FOXN3: variants seen among roughly 807,000 people sequenced by gnomAD.
FOXN3 encodes forkhead box protein N3.
FOXN3 carries 7 observed loss-of-function variants against 38.4 expected under a neutral mutation model. The ratio of observed to expected loss-of-function variants is 0.18; its 90% CI spans 0.10 to 0.34. The LOEUF is 0.34. Among genes scored for constraint, FOXN3 ranks in the 10% least tolerant of loss-of-function variants. The probability of loss-of-function intolerance (pLI) is 1.00; values close to 1 mark genes in which losing one functional copy is unlikely to be tolerated. For synonymous variants in FOXN3, 230 were observed against 242.2 expected (o/e 0.95, Z 0.47); for missense variants, 456 against 613.4 (o/e 0.74, Z 2.71).
intron 4 of FOXN3, among the ~76,000 whole-genome samples, chr14:89,227,740 T>C (rs1332548604): frequency 6.6e-6 from 1 of 152,208 alleles, no homozygotes; most frequent in Non-Finnish European, 1.5e-5. Context: ...GGCTCCGTCT[T>C]AGCAGACTGC....
At chr14:89,434,388 C>T (rs897582385) in intron 1 of FOXN3, among the ~76,000 whole-genome samples, 6 of 151,924 alleles carry the variant, frequency 3.9e-5, no homozygotes, top group Non-Finnish European at 5.9e-5. Flanking sequence ...CCACCACACC[C>T]GGCTAATTTT....
At chr14:89,559,399 C>T (rs973590691) in intron 1 of FOXN3, among the ~76,000 whole-genome samples, 2 of 151,994 alleles carry the variant, frequency 1.3e-5, no homozygotes, top group African/African-American at 2.4e-5. Context: ...CAAATAAGGC[C>T]GGGCGTGGTG....
intron 1 of FOXN3, among the ~76,000 whole-genome samples, chr14:89,522,540 T>C (rs72703700): frequency 0.084 from 12,807 of 152,124 alleles, 605 homozygotes; most frequent in Admixed American, 0.13. Flanking sequence ...ATAACATGAA[T>C]GGTGGGGCTT....
At chr14:89,402,678 T>C in intron 2 of FOXN3, among the ~76,000 whole-genome samples, 1 of 152,156 alleles carries the variant, frequency 6.6e-6, no homozygotes, top group East Asian at 1.9e-4. Context: ...ACTCCCCTTC[T>C]TGCTTCCTAA....
chr14:89,494,127 T>C (rs1392485616), intron 1 of FOXN3: 2 of 152,184 alleles, frequency 1.3e-5, no homozygotes, highest in African/African-American at 4.8e-5. Flanking sequence ...CTTTTACACT[T>C]ACTTAATATA....
intron 1 of FOXN3, among the ~76,000 whole-genome samples, chr14:89,591,910 G>C (rs1895962108): frequency 6.6e-6 from 1 of 151,932 alleles, no homozygotes; most frequent in South Asian, 2.1e-4. Context: ...GGGTGACAGA[G>C]AGAAAAAAAC....
Position 89,204,605 on chromosome 14 carries a change from A to G in FOXN3, c.746-23799T>C, listed in dbSNP as rs17125522. Among the ~76,000 whole-genome samples the G allele has an allele frequency of 9.5e-3, 1,444 of 152,320 alleles. 83 individuals are homozygous for G. Among genetic ancestry groups the G allele is most frequent in the Admixed American group, 0.088 (1,349 of 15,288 alleles). On this transcript the variant is annotated intron_variant, in intron 4 of 5. Coordinates refer to ENST00000557258, the MANE Select transcript of FOXN3 (RefSeq NM_005197.4). ...AGTTGAAAAATAAAACAAAGCGCCA[A>G]AAAAGCATTTGCATTTTCCTTTATC...
chr14:89,256,483 T>C (rs1217148837), intron 4 of FOXN3, among the ~76,000 whole-genome samples: 1 of 152,154 alleles, frequency 6.6e-6, no homozygotes, highest in Non-Finnish European at 1.5e-5. Flanking sequence ...GTCACACAGC[T>C]GCAAACATAT....
chr14:89,221,136 G>C (rs929802115), intron 4 of FOXN3, among the ~76,000 whole-genome samples: 2 of 152,086 alleles, frequency 1.3e-5, no homozygotes, highest in African/African-American at 4.8e-5. Context: ...TGGTGTAAGG[G>C]CCACTGAGAA....
chr14:89,496,547 A>G (rs1336513671), intron 1 of FOXN3, among the ~76,000 whole-genome samples: 1 of 152,138 alleles, frequency 6.6e-6, no homozygotes, highest in Non-Finnish European at 1.5e-5. Flanking sequence ...GATTGGGAGC[A>G]GCAGTAATTA....
Position 89,162,684 on chromosome 14 carries a change from G to A in FOXN3, c.1137C>T (p.Ser379=), listed in dbSNP as rs1359937254. The part of the protein sequence containing the change: ...SDTEEDDRKH[S]QKEPKDSLGD... ...CCAGAGAATCCTTGGGCTCCTTCTGGCTGTGCTTCCTGTCGTCCTCTTCCG... is the reference window on the plus strand; with the variant it reads ...CCAGAGAATCCTTGGGCTCCTTCTGACTGTGCTTCCTGTCGTCCTCTTCCG... Residue 379 remains serine (S), a synonymous_variant, in exon 6 of 6, where the codon AGC becomes AGT. Transcript: ENST00000557258. This position sits in a 1 kb window ranked among gnomAD's most constrained non-coding sequence, Gnocchi z 7.2. 1 of 1,614,072 alleles carries A rather than the reference G, an allele frequency of 6.2e-7. No homozygotes were observed. Among genetic ancestry groups the A allele is most frequent in the South Asian group, 1.1e-5 (1 of 91,074 alleles).
chr14:89,312,984 A>C (rs1405776487), intron 3 of FOXN3, among the ~76,000 whole-genome samples: 2 of 152,206 alleles, frequency 1.3e-5, no homozygotes, highest in African/African-American at 4.8e-5. Context: ...TGATAGTACA[A>C]AAGCCCTGTC....
At chr14:89,579,824 C>T (rs12436537) in intron 1 of FOXN3, among the ~76,000 whole-genome samples, 21,124 of 152,072 alleles carry the variant, frequency 0.14, 3,945 homozygotes, top group African/African-American at 0.43. Flanking sequence ...TGTATATTTA[C>T]TTGTTTAGCT....
intron 5 of FOXN3, among the ~76,000 whole-genome samples, chr14:89,170,965 A>G (rs1887373490): frequency 6.6e-6 from 1 of 152,098 alleles, no homozygotes; most frequent in Non-Finnish European, 1.5e-5. Flanking sequence ...AAAGAAAAAC[A>G]GAATAAATCC....
intron 1 of FOXN3, among the ~76,000 whole-genome samples, chr14:89,461,045 G>C (rs1195548548): frequency 7.6e-6 from 1 of 132,154 alleles, no homozygotes; most frequent in Non-Finnish European, 1.6e-5. Flanking sequence ...AAAAGGGGGG[G>C]GGAGGGGGCT....
chr14:89,451,533 C>T (rs1191593222), intron 1 of FOXN3, among the ~76,000 whole-genome samples: 1 of 152,112 alleles, frequency 6.6e-6, no homozygotes, highest in Non-Finnish European at 1.5e-5. Flanking sequence ...TTCAGTTCTT[C>T]GTGTTACGTG....
At chr14:89,478,168 C>T (rs906703674) in intron 1 of FOXN3, among the ~76,000 whole-genome samples, 1 of 152,004 alleles carries the variant, frequency 6.6e-6, no homozygotes, top group Non-Finnish European at 1.5e-5. Flanking sequence ...AAGTGTGTGG[C>T]GCCTCCCCTC....
intron 3 of FOXN3, among the ~76,000 whole-genome samples, chr14:89,325,304 C>CCAA (rs1482354299): frequency 1.1e-3 from 151 of 135,398 alleles, no homozygotes; most frequent in South Asian, 2.4e-3. Context: ...AACACCAACA[C>CCAA]CACCACCACG....
Position 89,159,491 on chromosome 14 carries a change from A to G in FOXN3, c.*2923T>C, listed in dbSNP as rs529876966. The G allele has an allele frequency of 4.5e-4, 69 of 152,768 alleles. No homozygotes were observed. The highest frequency in any genetic ancestry group is 1.5e-3 in the African/African-American group (63 of 41,584). The allele number at this position is 152,768 out of a possible 1,614,324, so 9.5% of individuals were successfully genotyped here. ...TAAGAACACACTTTTATATTTCTCT[A>G]TTTCTCAAAGAGATCAGAAAAGTAA... is the stretch of plus-strand genomic sequence containing the variant. On this transcript the variant is annotated 3_prime_UTR_variant, in exon 6 of 6. Coordinates refer to ENST00000557258, the MANE Select transcript of FOXN3 (RefSeq NM_005197.4).
Sources: gnomAD v4.1 joint callset for allele counts (sites outside exome capture counted in the v4.1 genomes callset) on GRCh38, gnomAD v4.1.1 for gene constraint, Gnocchi (gnomAD v3.1) non-coding constraint, MANE v1.5 for transcripts, NCBI Gene and HGNC (gene_info 2026-07-23, HGNC 2026-07-21) for gene names.